TMC2: variants seen among roughly 807,000 people sequenced by gnomAD.
TMC2 encodes transmembrane channel-like protein 2.
Under a neutral mutation model 105.9 loss-of-function variants are expected in TMC2, and 102 were observed. That is an observed-to-expected ratio of 0.96 (90% CI 0.82 to 1.14). TMC2 has a LOEUF of 1.14. Ranked by LOEUF, TMC2 falls within the 50% of genes most tolerant of loss-of-function variation. The pLI, the probability that TMC2 is intolerant of heterozygous loss-of-function variation, is 0.00. For synonymous variants in TMC2, 402 were observed against 422.8 expected (o/e 0.95, Z 0.60); for missense variants, 1,093 against 1,134.3 (o/e 0.96, Z 0.52).
In TMC2 at chr20:2,564,201, A is replaced by G. The variant is rs576297805; in HGVS notation, c.554+2191A>G. ...AGTATCGCTCTGTCGCCCAGGATGG[A>G]GTGCAGTGGCACAATCTCGGCTCAC... On this transcript the variant is annotated intron_variant, in intron 4 of 19. Transcript: ENST00000358864. 2.4e-5 allele frequency among the ~76,000 whole-genome samples: 3 copies of G among 122,680 alleles called. No individual in the cohort carries two copies. The South Asian group carries it at 7.6e-4, about 31-fold the overall frequency. 80.5% of individuals were successfully genotyped at this position (122,680 alleles called of 152,430 possible).
chr20:2,604,806 C>A (rs2086377348), intron 11 of TMC2, among the ~76,000 whole-genome samples: 1 of 152,208 alleles, frequency 6.6e-6, no homozygotes, highest in Admixed American at 6.5e-5. Context: ...ACCCAAAGGG[C>A]AGAGTTTGAA....
At chr20:2,554,458 T>C (rs1192050501) in intron 2 of TMC2, among the ~76,000 whole-genome samples, 1 of 152,188 alleles carries the variant, frequency 6.6e-6, no homozygotes. Context: ...TCTGCTCTAA[T>C]TTTTATTATT....
chr20:2,640,108 A>G (rs1014650552), intron 19 of TMC2, among the ~76,000 whole-genome samples: 2 of 152,124 alleles, frequency 1.3e-5, no homozygotes, highest in African/African-American at 4.8e-5. Context: ...CAGTCTTCTG[A>G]GTGGCTGTTA....
At chr20:2,586,650 C>T (rs77002254) in intron 7 of TMC2, among the ~76,000 whole-genome samples, 1,942 of 152,136 alleles carry the variant, frequency 0.013, 52 homozygotes, top group African/African-American at 0.042. Context: ...GTGAACTAAC[C>T]GAGTGAGAAC....
chr20:2,548,334 T>C (rs2085936561), intron 2 of TMC2, among the ~76,000 whole-genome samples: 6 of 152,218 alleles, frequency 3.9e-5, no homozygotes, highest in Admixed American at 3.9e-4. Context: ...TGTTTCAGAA[T>C]CCTTTCTTAC....
At position 2,612,277 on chromosome 20, in the gene TMC2, C is replaced by T. The variant is rs560610752; in HGVS notation, c.1680C>T (p.Pro560=). Residue 560 remains proline (P), a synonymous_variant, in exon 13 of 20, where the codon CCC becomes CCT. Coordinates refer to ENST00000358864, the MANE Select transcript of TMC2 (RefSeq NM_080751.3). ...CTTCTGGTTGGAACGAGAGTGTCCCCCGACCACCCCTGCACCCTGCAGATG... is the reference window on the plus strand; with the variant it reads ...CTTCTGGTTGGAACGAGAGTGTCCCTCGACCACCCCTGCACCCTGCAGATG... ...YNSSGWNESV[P]RPPLHPADVP... is the part of the protein sequence containing the mutation. The T allele has an allele frequency of 8.7e-6, 14 of 1,612,704 alleles. No homozygotes were observed. In the African/African-American group the frequency reaches 1.1e-4, roughly 12 times the overall value.
chr20:2,584,395 G>T (rs2086217396), intron 7 of TMC2, among the ~76,000 whole-genome samples: 2 of 138,904 alleles, frequency 1.4e-5, no homozygotes, highest in Admixed American at 1.4e-4. Flanking sequence ...AGTGAGCCGA[G>T]ATCCCGCCAC....
chr20:2,539,138 G>T (rs1453216596), intron 2 of TMC2, among the ~76,000 whole-genome samples: 3 of 152,196 alleles, frequency 2.0e-5, no homozygotes, highest in Non-Finnish European at 4.4e-5. Context: ...CTACATAGGA[G>T]GAGGCCTGTT....
At chr20:2,627,782 A>G (rs2146261736) in intron 17 of TMC2, among the ~76,000 whole-genome samples, 1 of 152,330 alleles carries the variant, frequency 6.6e-6, no homozygotes, top group African/African-American at 2.4e-5. Context: ...CCAGAAAAAG[A>G]AGTCTTTTCT....
At chr20:2,613,381 C>G in intron 14 of TMC2, 59 bp downstream of exon 14, 1 of 1,606,734 alleles carries the variant, frequency 6.2e-7, no homozygotes, top group South Asian at 1.1e-5. Flanking sequence ...TTCTTTGATA[C>G]TTATAGCCAG....
chr20:2,576,976 T>C (rs2086151347), intron 5 of TMC2, among the ~76,000 whole-genome samples: 1 of 150,534 alleles, frequency 6.6e-6, no homozygotes, highest in African/African-American at 2.5e-5. Flanking sequence ...TGGTGTGATC[T>C]TGGCTCACTG....
At chr20:2,574,102 A>T (rs2086125337) in intron 5 of TMC2, among the ~76,000 whole-genome samples, 1 of 152,134 alleles carries the variant, frequency 6.6e-6, no homozygotes, top group South Asian at 2.1e-4. Flanking sequence ...TTTCTTTGTC[A>T]CCGTAAAAAT....
intron 11 of TMC2, among the ~76,000 whole-genome samples, chr20:2,608,300 T>TTTATTATTATTATTA (rs61608674): frequency 1.8e-4 from 24 of 134,602 alleles, no homozygotes; most frequent in East Asian, 6.5e-4. Flanking sequence ...CTTATTTTTA[T>TTTATTATTATTATTA]TTATTATTAT....
chr20:2,556,170 C>T (rs1042265415), intron 2 of TMC2, among the ~76,000 whole-genome samples: 1 of 152,162 alleles, frequency 6.6e-6, no homozygotes, highest in Non-Finnish European at 1.5e-5. Flanking sequence ...CTCACTGCAA[C>T]CTCCACCTCC....
At chr20:2,630,511 A>G (rs770452312) in intron 17 of TMC2, among the ~76,000 whole-genome samples, 37 of 152,150 alleles carry the variant, frequency 2.4e-4, no homozygotes, top group Non-Finnish European at 2.6e-4. Flanking sequence ...ATCTACTATT[A>G]CCTTAAAAAT....
Position 2,579,990 on chromosome 20 carries a change from C to T in TMC2, c.768C>T (p.Leu256=). ...CAGTGGCATCGTATTTCATCTTTCT[C>T]CGATGGATGTATGGAGTTAACCTTG... ...GSSVASYFIF[L]RWMYGVNLVL... is the part of the protein sequence containing the mutation. The change falls in exon 7 of 20, where the codon CTC becomes CTT. Residue 256 remains leucine (L), a synonymous_variant. Transcript: ENST00000358864. 1 of 1,614,016 alleles carries T rather than the reference C, an allele frequency of 6.2e-7. No individual in the cohort carries two copies. The highest frequency in any genetic ancestry group is 1.1e-5 in the South Asian group (1 of 91,062).
rs961574147 is a variant in TMC2 at position 2,642,077 on chromosome 20, G to A, written c.*726G>A. Among the ~76,000 whole-genome samples, 13 of 91,982 alleles carry A rather than the reference G, an allele frequency of 1.4e-4. No individual in the cohort carries two copies. The highest frequency in any genetic ancestry group is 2.3e-4 in the Non-Finnish European group (10 of 42,908). 60.3% of individuals were successfully genotyped at this position (91,982 alleles called of 152,430 possible). A position where few individuals can be genotyped will look rare whatever the true frequency, so the allele number is the denominator to read the frequency against. ...TCCAGTCTGGGCAACAGAGTGAGAC[G>A]CTGTCTTAACAACAACAAGTCTGGC... On this transcript the variant is annotated 3_prime_UTR_variant, in exon 20 of 20. Coordinates refer to ENST00000358864, the MANE Select transcript of TMC2 (RefSeq NM_080751.3).
rs1004284686 is a variant in TMC2, at chr20:2,597,314, C to T, written c.1224+16C>T. 1.2e-6 allele frequency: 2 copies of T among 1,610,848 alleles called. No homozygotes were observed. Among genetic ancestry groups the T allele is most frequent in the African/African-American group, 2.7e-5 (2 of 74,880 alleles). On this transcript the variant is annotated intron_variant, in intron 10 of 19. Transcript: ENST00000358864. Reference sequence around the variant, plus strand: ...CAGCTTCAAGGTAGTCACCCCAGGGCAGTTCCCACTTCCGGAGAACTCTAG... The same window carrying T: ...CAGCTTCAAGGTAGTCACCCCAGGGTAGTTCCCACTTCCGGAGAACTCTAG...
chr20:2,611,406 C>T (rs1233761496), intron 12 of TMC2, among the ~76,000 whole-genome samples: 1 of 152,176 alleles, frequency 6.6e-6, no homozygotes, highest in Non-Finnish European at 1.5e-5. Flanking sequence ...CTCTGGCTTC[C>T]CTCCTACCCA....
Sources: allele counts gnomAD v4.1 joint callset (sites outside exome capture counted in the v4.1 genomes callset), GRCh38; gene constraint gnomAD v4.1.1; transcripts MANE v1.5; gene names NCBI Gene and HGNC (gene_info 2026-07-23, HGNC 2026-07-21).